The following MFSD11 variants were observed in gnomAD, a reference collection of about 807,000 sequenced individuals.
MFSD11 encodes the protein major facilitator superfamily domain containing 11.
MFSD11 carries 36 observed loss-of-function variants against 53.5 expected under a neutral mutation model. The observed-to-expected ratio is 0.67, with a 90% CI of 0.52 to 0.89. The LOEUF (loss-of-function observed/expected upper bound fraction) is 0.89, where lower values mean the gene tolerates loss of function less well. Ranked by LOEUF, MFSD11 falls within the 40% of genes least tolerant of loss-of-function variation. The probability of loss-of-function intolerance (pLI) is 0.00; values close to 1 mark genes in which losing one functional copy is unlikely to be tolerated. For missense variants in MFSD11, 530 were observed against 543.9 expected (o/e 0.97, Z 0.25); for synonymous variants, 186 against 184.9 (o/e 1.01, Z -0.05).
intron 7 of MFSD11, among the ~76,000 whole-genome samples, chr17:76,752,690 C>A (rs2079163612): frequency 6.6e-6 from 1 of 152,136 alleles, no homozygotes; most frequent in Non-Finnish European, 1.5e-5. Flanking sequence ...GCCACCACAC[C>A]CTGCCCAAGT....
chr17:76,780,869 G>T (rs59888100), downstream of MFSD11, among the ~76,000 whole-genome samples: 1 of 152,220 alleles, frequency 6.6e-6, no homozygotes, highest in East Asian at 1.9e-4. Context: ...ACCTCCATTG[G>T]CTTAGTTGAT....
At chr17:76,778,077 C>A in intron 12 of MFSD11, 111 bp from the exon 13 acceptor site, 1 of 970,982 alleles carries the variant, frequency 1.0e-6, no homozygotes. Context: ...GAATAGAAAG[C>A]ACTGTGAGTT....
chr17:76,794,623 C>T, the MFSD11 span, among the ~76,000 whole-genome samples: 3 of 96,760 alleles, frequency 3.1e-5, no homozygotes, highest in Non-Finnish European at 5.6e-5. Context: ...ACCTTGGCGA[C>T]AGAGCAAAAC....
At chr17:76,788,783 A>G in the MFSD11 span, among the ~76,000 whole-genome samples, 2 of 146,330 alleles carry the variant, frequency 1.4e-5, 1 homozygote, top group South Asian at 4.6e-4. Flanking sequence ...AACCTGGGAG[A>G]AGGATTGCAC....
rs1022957680 is a variant in MFSD11, at chr17:76,779,321, TAAC to T, written c.*972_*974del. 3.1e-5 allele frequency: 4 copies of T among 129,120 alleles called. No homozygotes were observed. The highest frequency in any genetic ancestry group is 7.5e-5 in the Admixed American group (1 of 13,400). 8.0% of individuals were successfully genotyped at this position (129,120 alleles called of 1,614,324 possible). The stretch of plus-strand genomic sequence containing the variant: ...ATTTTTTAAAATAATGAAAAATAAA[TAAC>T]AAGATGCTGAAATGAAATATTGATT... On this transcript the variant is annotated 3_prime_UTR_variant, in exon 13 of 13. Transcript: ENST00000685175.
upstream of MFSD11, chr17:76,736,854 G>T: frequency 6.2e-7 from 1 of 1,607,222 alleles, no homozygotes; most frequent in Non-Finnish European, 8.5e-7. Flanking sequence ...GGCGGTCCCC[G>T]GCGGCTGTGG....
downstream of MFSD11, among the ~76,000 whole-genome samples, chr17:76,785,878 T>C (rs1349346021): frequency 6.6e-6 from 1 of 151,820 alleles, no homozygotes; most frequent in Non-Finnish European, 1.5e-5. Flanking sequence ...GTCAGGAGTT[T>C]GAGACCAGCC....
At position 76,772,144 on chromosome 17, in the gene MFSD11, A is replaced by G. The variant is rs529528085; in HGVS notation, c.874+2273A>G. Among the ~76,000 whole-genome samples the G allele has an allele frequency of 4.6e-5, 7 of 152,266 alleles. No homozygotes were observed. In the East Asian group the frequency reaches 1.4e-3, roughly 29 times the overall value. On this transcript the variant is annotated intron_variant, in intron 10 of 12. Transcript: ENST00000685175. ...TGATAAGAAATTGCGAAAATAGGCC[A>G]GGCACAGTGCTCACGCCTATAATTC...
upstream of MFSD11, chr17:76,737,896 CG>C: frequency 5.7e-6 from 1 of 176,554 alleles, no homozygotes; most frequent in Non-Finnish European, 1.2e-5. Context: ...GGGGACTCCC[CG>C]CGGAGCGCTT....
chr17:76,796,552 C>T, the MFSD11 span, among the ~76,000 whole-genome samples: 1 of 152,182 alleles, frequency 6.6e-6, no homozygotes, highest in East Asian at 1.9e-4. Flanking sequence ...TCAGTTCAAT[C>T]CTGACACTAC....
At position 76,776,052 on chromosome 17, in the gene MFSD11, C is replaced by T. The variant is rs2081806580; in HGVS notation, c.1050-354C>T. 6.6e-6 allele frequency among the ~76,000 whole-genome samples: 1 copy of T among 152,204 alleles called. No homozygotes were observed. The highest frequency in any genetic ancestry group is 1.5e-5 in the Non-Finnish European group (1 of 68,040). ...GAATGCAAGTGGCGTGATCTCCGCT[C>T]ACTGCAACCTCCACCTCCGGGGTTC... On this transcript the variant is annotated intron_variant, in intron 11 of 12. Coordinates refer to ENST00000685175, the MANE Select transcript of MFSD11 (RefSeq NM_001242532.5). The surrounding 1 kb of genome is among the most constrained non-coding windows in gnomAD (Gnocchi z 4.2).
At chr17:76,757,564 A>G (rs2079777146) in intron 8 of MFSD11, among the ~76,000 whole-genome samples, 2 of 152,224 alleles carry the variant, frequency 1.3e-5, no homozygotes, top group African/African-American at 4.8e-5. Context: ...AGGTTCCTAC[A>G]TACTATCTAA....
At chr17:76,742,388 A>G in intron 5 of MFSD11, 115 bp downstream of exon 5, 1 of 819,180 alleles carries the variant, frequency 1.2e-6, no homozygotes, top group South Asian at 1.7e-5. Context: ...CTTAAGTTCT[A>G]GCTAAATGTG....
chr17:76,785,907 C>A (rs903258118), downstream of MFSD11, among the ~76,000 whole-genome samples: 24 of 151,734 alleles, frequency 1.6e-4, no homozygotes, highest in Admixed American at 6.6e-5. Flanking sequence ...GTGCTGAAAT[C>A]TTGTTTCTTA....
At chr17:76,765,763 T>A (rs1167355842) in intron 8 of MFSD11, among the ~76,000 whole-genome samples, 1 of 152,104 alleles carries the variant, frequency 6.6e-6, no homozygotes, top group Non-Finnish European at 1.5e-5. Flanking sequence ...CCATGAATTT[T>A]AGGATCAATC....
At chr17:76,753,379 G>T (rs972183083) in intron 7 of MFSD11, among the ~76,000 whole-genome samples, 1 of 152,116 alleles carries the variant, frequency 6.6e-6, no homozygotes, top group African/African-American at 2.4e-5. Context: ...TCAGTTTGAA[G>T]GTAACAGGAT....
intron 10 of MFSD11, among the ~76,000 whole-genome samples, chr17:76,771,357 T>TA (rs2081362509): frequency 6.6e-6 from 1 of 152,230 alleles, no homozygotes; most frequent in South Asian, 2.1e-4. Flanking sequence ...GTATTTTTAT[T>TA]ATGCTCCACG....
rs1051169899 is a variant in MFSD11 at position 76,778,038 on chromosome 17, A to G, written c.1186-150A>G. ...TATGGTGCATGTTTGTGAGTCAGTGACTGAGGAAGTCATACCTTGATGCAG... is the reference window on the plus strand; with the variant it reads ...TATGGTGCATGTTTGTGAGTCAGTGGCTGAGGAAGTCATACCTTGATGCAG... On this transcript the variant is annotated intron_variant, in intron 12 of 12. Transcript: ENST00000685175. 1.0e-5 allele frequency: 7 copies of G among 680,972 alleles called. No individual in the cohort carries two copies. The African/African-American group carries it at 1.3e-4, about 12-fold the overall frequency. 42.2% of individuals were successfully genotyped at this position (680,972 alleles called of 1,614,324 possible).
At chr17:76,736,908 G>T, upstream of MFSD11, 1 of 1,612,736 alleles carries the variant, frequency 6.2e-7, no homozygotes, top group Non-Finnish European at 8.5e-7. Flanking sequence ...TGCACCCGCA[G>T]CTCGCGGCCG....
Sources: allele counts gnomAD v4.1 joint callset (sites outside exome capture counted in the v4.1 genomes callset), GRCh38; gene constraint gnomAD v4.1.1; non-coding constraint Gnocchi (gnomAD v3.1); transcripts MANE v1.5; gene names NCBI Gene and HGNC (gene_info 2026-07-23, HGNC 2026-07-21).